The following PCDHGA9 variants were observed in gnomAD, a reference collection of about 807,000 sequenced individuals.
PCDHGA9 encodes the protein protocadherin gamma-A9.
A neutral mutation model predicts 62.5 loss-of-function variants in PCDHGA9; 37 were observed. That is an observed-to-expected ratio of 0.59 (90% CI 0.46 to 0.78). The LOEUF (loss-of-function observed/expected upper bound fraction) is 0.78. PCDHGA9 is among the 30% of genes least tolerant of loss of function. The probability of loss-of-function intolerance (pLI) is 0.00; values close to 1 mark genes in which losing one functional copy is unlikely to be tolerated. For synonymous variants in PCDHGA9, 459 were observed against 484.6 expected (o/e 0.95, Z 0.69); for missense variants, 1,138 against 1,166.2 (o/e 0.98, Z 0.35).
At chr5:141,500,278 G>A (rs1338703900) in intron 2 of PCDHGA9, among the ~76,000 whole-genome samples, 2 of 150,508 alleles carry the variant, frequency 1.3e-5, no homozygotes, top group East Asian at 2.0e-4. Context: ...GCGCAATCTC[G>A]GCTCACTGCA....
At chr5:141,438,591 C>CATATATATAT (rs946798767) in intron 1 of PCDHGA9, among the ~76,000 whole-genome samples, 17 of 75,552 alleles carry the variant, frequency 2.3e-4, no homozygotes, top group Non-Finnish European at 3.8e-4. Context: ...TACATACATA[C>CATATATATAT]ATATATATAT....
At chr5:141,422,966 C>A (rs762530904) in intron 1 of PCDHGA9, 1 of 1,614,112 alleles carries the variant, frequency 6.2e-7, no homozygotes, top group Admixed American at 1.7e-5. Flanking sequence ...GAGCTGGCGC[C>A]CCGCTCTGCG....
At chr5:141,501,328 CA>C (rs1446948770) in intron 2 of PCDHGA9, among the ~76,000 whole-genome samples, 83 of 151,828 alleles carry the variant, frequency 5.5e-4, no homozygotes, top group Admixed American at 2.2e-3. Context: ...CACACACACA[CA>C]CACACCCCAA....
intron 1 of PCDHGA9, chr5:141,415,199 T>C (rs761532551): frequency 1.7e-5 from 28 of 1,613,880 alleles, no homozygotes; most frequent in Non-Finnish European, 2.4e-5. Flanking sequence ...ATCCCCCAAG[T>C]CCTGGCGGAC....
Position 141,415,748 on chromosome 5 carries a change from T to G in PCDHGA9, c.2424+10372T>G, listed in dbSNP as rs1345423849. On this transcript the variant is annotated intron_variant, in intron 1 of 3. Transcript: ENST00000573521. ...ATTTGATGTTTATTAAGGTTTTTTT[T>G]TTTTTTTTTTTTTTTTTTTTTTTTA... is the stretch of plus-strand genomic sequence containing the variant. 87 of 1,008,904 alleles carry G rather than the reference T, an allele frequency of 8.6e-5. No individual in the cohort carries two copies. The Middle Eastern group carries it at 1.2e-3, about 13-fold the overall frequency. 62.5% of individuals were successfully genotyped at this position (1,008,904 alleles called of 1,614,324 possible).
chr5:141,484,000 G>C (rs1425172275), intron 1 of PCDHGA9, among the ~76,000 whole-genome samples: 1 of 147,812 alleles, frequency 6.8e-6, no homozygotes, highest in Admixed American at 6.8e-5. Context: ...TGGGAGGTCT[G>C]GATGAGGGTG....
In PCDHGA9 at chr5:141,432,512, G is replaced by A. The variant is rs751785850; in HGVS notation, c.2424+27136G>A. ...GCTGGCTCCCCGCTCCGCAGAGCCC[G>A]GCTACCTGGTGACCAAGGTGGTGGC... On this transcript the variant is annotated intron_variant, in intron 1 of 3. Transcript: ENST00000573521. The surrounding 1 kb of genome is among the most constrained non-coding windows in gnomAD (Gnocchi z 6.0). 3 of 1,614,108 alleles carry A rather than the reference G, an allele frequency of 1.9e-6. No homozygotes were observed. Among genetic ancestry groups the A allele is most frequent in the Non-Finnish European group, 2.5e-6 (3 of 1,180,030 alleles).
At position 141,486,370 on chromosome 5, in the gene PCDHGA9, T is replaced by C. The variant is rs755925357; in HGVS notation, c.2425-8437T>C. Reference sequence around the variant, plus strand: ...ACCACTTGCCATTTGCCCTCAAGTCTGCCTTCAGGAACCAGTTCTCCCTGG... The same window carrying C: ...ACCACTTGCCATTTGCCCTCAAGTCCGCCTTCAGGAACCAGTTCTCCCTGG... On this transcript the variant is annotated intron_variant, in intron 1 of 3. Coordinates refer to ENST00000573521, the MANE Select transcript of PCDHGA9 (RefSeq NM_018921.3). The surrounding 1 kb of genome is among the most constrained non-coding windows in gnomAD (Gnocchi z 5.0). 8 of 1,613,988 alleles carry C rather than the reference T, an allele frequency of 5.0e-6. No individual in the cohort carries two copies. The Admixed American group carries it at 1.3e-4, about 27-fold the overall frequency.
intron 1 of PCDHGA9, chr5:141,427,797 G>T: frequency 6.6e-7 from 1 of 1,505,306 alleles, no homozygotes; most frequent in Non-Finnish European, 9.1e-7. Flanking sequence ...CTACGTGTCC[G>T]TGAGCGCACA....
intron 1 of PCDHGA9, chr5:141,478,131 A>G (rs747801474): frequency 6.2e-7 from 1 of 1,614,064 alleles, no homozygotes; most frequent in Non-Finnish European, 8.5e-7. Flanking sequence ...GACTCTCCTG[A>G]AGCCCGAGCC....
chr5:141,419,315 C>A lies in PCDHGA9; in HGVS notation c.2424+13939C>A, dbSNP rs2096357855. ...TGACCCAGACTTCGGGCTCAACGGC[C>A]GTGTCTCCTACTCTCTCATTGCCAG... On this transcript the variant is annotated intron_variant, in intron 1 of 3. Transcript: ENST00000573521. 3 of 1,613,880 alleles carry A rather than the reference C, an allele frequency of 1.9e-6. No homozygotes were observed. Among genetic ancestry groups the A allele is most frequent in the Non-Finnish European group, 2.5e-6 (3 of 1,179,910 alleles).
chr5:141,443,561 C>T (rs1487096752), intron 1 of PCDHGA9, among the ~76,000 whole-genome samples: 3 of 152,118 alleles, frequency 2.0e-5, no homozygotes, highest in Non-Finnish European at 1.5e-5. Context: ...AATTCAAATG[C>T]TTTAAATGGA....
At position 141,491,809 on chromosome 5, in the gene PCDHGA9, C is replaced by A. The variant is rs1421763758; in HGVS notation, c.2425-2998C>A. The A allele has an allele frequency of 6.7e-7, 1 of 1,487,044 alleles. No homozygotes were observed. The highest frequency in any genetic ancestry group is 1.4e-5 in the South Asian group (1 of 72,986). The allele number at this position is 1,487,044 out of a possible 1,614,324, so 92.1% of individuals were successfully genotyped here. On this transcript the variant is annotated intron_variant, in intron 1 of 3. Coordinates refer to ENST00000573521, the MANE Select transcript of PCDHGA9 (RefSeq NM_018921.3). This position sits in a 1 kb window ranked among gnomAD's most constrained non-coding sequence, Gnocchi z 6.9. Reference sequence around the variant, plus strand: ...TCCACTCCTCTCCGGCCGGCTTGGTCGCTGGCTGCGCTCCACCCGATTCTC... The same window carrying A: ...TCCACTCCTCTCCGGCCGGCTTGGTAGCTGGCTGCGCTCCACCCGATTCTC...
intron 1 of PCDHGA9, chr5:141,419,088 T>G (rs2096325159): frequency 1.2e-6 from 2 of 1,613,940 alleles, no homozygotes; most frequent in Non-Finnish European, 1.7e-6. Flanking sequence ...GATGAGGCCC[T>G]GGATCGGGAG....
At chr5:141,430,383 GA>G (rs139772145) in intron 1 of PCDHGA9, among the ~76,000 whole-genome samples, 3,229 of 138,382 alleles carry the variant, frequency 0.023, 41 homozygotes, top group African/African-American at 0.033. Flanking sequence ...AGCTCATTGG[GA>G]AAAAAAAAAA....
chr5:141,441,150 T>C (rs1421773650), intron 1 of PCDHGA9: 4 of 152,122 alleles, frequency 2.6e-5, no homozygotes, highest in African/African-American at 7.2e-5. Context: ...ATAATGACAA[T>C]ATCCTAGAGG....
At chr5:141,464,343 A>T (rs944042669) in intron 1 of PCDHGA9, among the ~76,000 whole-genome samples, 1 of 151,308 alleles carries the variant, frequency 6.6e-6, no homozygotes, top group South Asian at 2.1e-4. Flanking sequence ...ATGACTTGTC[A>T]TTTAGGTAGT....
intron 1 of PCDHGA9, among the ~76,000 whole-genome samples, chr5:141,484,288 C>T (rs1300726429): frequency 6.6e-6 from 1 of 152,176 alleles, no homozygotes; most frequent in African/African-American, 2.4e-5. Context: ...AAACATCTCC[C>T]TCTCCTGGCT....
rs956295940 is a variant in PCDHGA9 at position 141,477,700 on chromosome 5, G to T, written c.2425-17107G>T. The T allele has an allele frequency of 1.2e-6, 2 of 1,613,954 alleles. No individual in the cohort carries two copies. Among genetic ancestry groups the T allele is most frequent in the African/African-American group, 2.7e-5 (2 of 74,928 alleles). On this transcript the variant is annotated intron_variant, in intron 1 of 3. Coordinates refer to ENST00000573521, the MANE Select transcript of PCDHGA9 (RefSeq NM_018921.3). This position sits in a 1 kb window ranked among gnomAD's most constrained non-coding sequence, Gnocchi z 4.9. ...CATCCTTAGTGCCCCTAGACTATGAGGATCGGCGGGAATTTGAATTAACAG... is the reference window on the plus strand; with the variant it reads ...CATCCTTAGTGCCCCTAGACTATGATGATCGGCGGGAATTTGAATTAACAG...
Sources: gnomAD v4.1 joint callset for allele counts (sites outside exome capture counted in the v4.1 genomes callset) on GRCh38, gnomAD v4.1.1 for gene constraint, Gnocchi (gnomAD v3.1) non-coding constraint, MANE v1.5 for transcripts, NCBI Gene and HGNC (gene_info 2026-07-23, HGNC 2026-07-21) for gene names.